RGS7: variants seen among roughly 807,000 people sequenced by gnomAD.
RGS7 encodes regulator of G-protein signaling 7.
A neutral mutation model predicts 81.1 loss-of-function variants in RGS7; 27 were observed. The observed-to-expected ratio is 0.33, with a 90% confidence interval of 0.25 to 0.46. The LOEUF is 0.46. RGS7 is among the 20% of genes least tolerant of loss of function. The pLI is 1.00. For synonymous variants in RGS7, 208 were observed against 207.7 expected (o/e 1.00, Z -0.01); for missense variants, 396 against 607.4 (o/e 0.65, Z 3.66).
At chr1:240,939,699 T>C (rs1677239019) in intron 4 of RGS7, among the ~76,000 whole-genome samples, 1 of 152,156 alleles carries the variant, frequency 6.6e-6, no homozygotes, top group Non-Finnish European at 1.5e-5. Context: ...AAGATTCCTC[T>C]GGGAGGGGTA....
intron 9 of RGS7, among the ~76,000 whole-genome samples, chr1:240,837,729 A>G (rs1298152950): frequency 6.6e-6 from 1 of 152,252 alleles, no homozygotes; most frequent in Non-Finnish European, 1.5e-5. Flanking sequence ...AAAATGAACT[A>G]GCTACTGAAC....
At chr1:240,920,520 G>A (rs534444971) in intron 6 of RGS7, 12 of 842,516 alleles carry the variant, frequency 1.4e-5, no homozygotes, top group Non-Finnish European at 2.2e-5. Flanking sequence ...CCTCTATGGT[G>A]ATGGAGGCCA....
In RGS7 at chr1:240,912,411, A is replaced by G. The variant is rs575039506; in HGVS notation, c.385+18306T>C. Among the ~76,000 whole-genome samples, 5 of 152,306 alleles carry G rather than the reference A, an allele frequency of 3.3e-5. No homozygotes were observed. The Middle Eastern group carries it at 0.01, about 311-fold the overall frequency. ...CTTTAATGTACATCTGAAAGAGCTT[A>G]TTAATAATGTCAATGCTTGAGCTAC... is the stretch of plus-strand genomic sequence containing the variant. On this transcript the variant is annotated intron_variant, in intron 6 of 18. Coordinates refer to ENST00000440928, the MANE Select transcript of RGS7 (RefSeq NM_001364886.1).
chr1:241,055,719 G>A (rs1297329658), intron 3 of RGS7, among the ~76,000 whole-genome samples: 1 of 152,144 alleles, frequency 6.6e-6, no homozygotes, highest in Non-Finnish European at 1.5e-5. Flanking sequence ...ATCATTACAT[G>A]GGCTTGATTG....
At chr1:241,021,333 C>T (rs978700699) in intron 3 of RGS7, among the ~76,000 whole-genome samples, 1 of 152,176 alleles carries the variant, frequency 6.6e-6, no homozygotes, top group Non-Finnish European at 1.5e-5. Context: ...AATAATTTAT[C>T]ATTTCCAAAC....
At chr1:240,793,609 A>ATTTT (rs1254356744) in intron 18 of RGS7, among the ~76,000 whole-genome samples, 10 of 87,068 alleles carry the variant, frequency 1.1e-4, no homozygotes, top group African/African-American at 3.0e-4. Flanking sequence ...ATATATATAT[A>ATTTT]TATTTTTTTT....
intron 2 of RGS7, among the ~76,000 whole-genome samples, chr1:241,317,919 TC>T (rs1476484000): frequency 1.3e-5 from 2 of 152,188 alleles, no homozygotes; most frequent in Non-Finnish European, 2.9e-5. Context: ...CCTTCCCAGT[TC>T]TTCCGAGATT....
chr1:240,892,699 A>T (rs1200632691), intron 6 of RGS7, among the ~76,000 whole-genome samples: 2 of 152,136 alleles, frequency 1.3e-5, no homozygotes, highest in Admixed American at 6.5e-5. Flanking sequence ...TGTGTCAAAT[A>T]AGGAAAATGT....
At chr1:241,005,742 G>T (rs994555839) in intron 3 of RGS7, among the ~76,000 whole-genome samples, 2 of 152,032 alleles carry the variant, frequency 1.3e-5, no homozygotes, top group Non-Finnish European at 2.9e-5. Context: ...CACTTACGTT[G>T]GCCAGGCTGG....
At chr1:241,148,825 A>G (rs2068539129) in intron 2 of RGS7, among the ~76,000 whole-genome samples, 1 of 152,272 alleles carries the variant, frequency 6.6e-6, no homozygotes, top group African/African-American at 2.4e-5. Flanking sequence ...CATAAAACAA[A>G]TAACAGTTTT....
rs74149586 is a variant in RGS7 at position 241,023,267 on chromosome 1, A to G, written c.176-40138T>C. On this transcript the variant is annotated intron_variant, in intron 3 of 18. Coordinates refer to ENST00000440928, the MANE Select transcript of RGS7 (RefSeq NM_001364886.1). ...AGCTTCTTCTGGACTCAGGCCCCTG[A>G]ACTCCCTTGTTTTAGAGCGCTTACT... Among the ~76,000 whole-genome samples, 299 of 152,314 alleles carry G rather than the reference A, an allele frequency of 2.0e-3. 1 individual carries two copies. The highest frequency in any genetic ancestry group is 6.7e-3 in the African/African-American group (279 of 41,574).
intron 3 of RGS7, among the ~76,000 whole-genome samples, chr1:241,083,977 T>G (rs1024359497): frequency 1.3e-5 from 2 of 152,176 alleles, no homozygotes; most frequent in Non-Finnish European, 2.9e-5. Flanking sequence ...AGAAAAATAT[T>G]CCACCTTACT....
chr1:240,880,259 C>A (rs376315154), intron 6 of RGS7, among the ~76,000 whole-genome samples: 19 of 152,362 alleles, frequency 1.2e-4, no homozygotes, highest in East Asian at 5.8e-4. Flanking sequence ...CCAGGTTGAT[C>A]TTGAAGTCCC....
At chr1:241,340,167 C>T (rs901716126) in intron 2 of RGS7, among the ~76,000 whole-genome samples, 3 of 152,170 alleles carry the variant, frequency 2.0e-5, no homozygotes, top group Admixed American at 6.5e-5. Context: ...TACTAAGCCA[C>T]ACCACATCGA....
At chr1:240,820,716 C>T (rs542545693) in intron 10 of RGS7, among the ~76,000 whole-genome samples, 3 of 152,164 alleles carry the variant, frequency 2.0e-5, no homozygotes, top group South Asian at 2.1e-4. Flanking sequence ...AGAGTGAGCT[C>T]GCGAAAGATA....
chr1:241,180,783 C>G (rs2071551182), intron 2 of RGS7, among the ~76,000 whole-genome samples: 1 of 152,210 alleles, frequency 6.6e-6, no homozygotes, highest in African/African-American at 2.4e-5. Context: ...ATGGATAGGA[C>G]AGCAGCGCAC....
chr1:240,915,651 C>T (rs139837777), intron 6 of RGS7, among the ~76,000 whole-genome samples: 2 of 152,192 alleles, frequency 1.3e-5, no homozygotes, highest in African/African-American at 4.8e-5. Context: ...GGCCTGTATG[C>T]CTCATTTATT....
chr1:240,872,868 G>A (rs1246672811), intron 6 of RGS7, among the ~76,000 whole-genome samples: 1 of 152,080 alleles, frequency 6.6e-6, no homozygotes, highest in Admixed American at 6.6e-5. Flanking sequence ...CACAAGGTCA[G>A]GAGTTCAAGA....
chr1:241,080,020 T>G (rs1254575332), intron 3 of RGS7, among the ~76,000 whole-genome samples: 2 of 152,134 alleles, frequency 1.3e-5, no homozygotes, highest in African/African-American at 4.8e-5. Flanking sequence ...CAGTTAAATC[T>G]CCCAAAACAA....
Sources: allele counts gnomAD v4.1 joint callset (sites outside exome capture counted in the v4.1 genomes callset), GRCh38; gene constraint gnomAD v4.1.1; transcripts MANE v1.5; gene names NCBI Gene and HGNC (gene_info 2026-07-23, HGNC 2026-07-21).